RBMS3: variants seen among roughly 807,000 people sequenced by gnomAD.
RBMS3 encodes RNA binding motif single stranded interacting protein 3, also known as RNA-binding motif, single-stranded-interacting protein 3.
Under a neutral mutation model 66.8 loss-of-function variants are expected in RBMS3, and 27 were observed. That is an observed-to-expected ratio of 0.40 (90% CI 0.30 to 0.56). RBMS3 has a LOEUF of 0.56. Ranked by LOEUF, RBMS3 falls within the 20% of genes least tolerant of loss-of-function variation. The pLI is 0.40. For synonymous variants in RBMS3, 188 were observed against 183.0 expected (o/e 1.03, Z -0.22); for missense variants, 513 against 549.5 (o/e 0.93, Z 0.66).
At chr3:29,605,009 T>C (rs7637442) in intron 4 of RBMS3, among the ~76,000 whole-genome samples, 42,842 of 151,840 alleles carry the variant, frequency 0.28, 6,519 homozygotes, top group African/African-American at 0.39. Flanking sequence ...GACTTTCTTT[T>C]CTTTATTCAT....
intron 1 of RBMS3, among the ~76,000 whole-genome samples, chr3:29,331,928 G>A (rs1343993019): frequency 2.2e-5 from 3 of 138,248 alleles, no homozygotes; most frequent in African/African-American, 8.1e-5. Context: ...CACATACTAT[G>A]TCCAATTATA....
At chr3:29,400,344 C>T (rs954588192) in intron 1 of RBMS3, among the ~76,000 whole-genome samples, 1 of 151,910 alleles carries the variant, frequency 6.6e-6, no homozygotes, top group African/African-American at 2.4e-5. Flanking sequence ...CTGTACAATT[C>T]CACTTACGTG....
intron 6 of RBMS3, among the ~76,000 whole-genome samples, chr3:29,772,343 A>G (rs938709647): frequency 6.6e-6 from 1 of 152,056 alleles, no homozygotes; most frequent in Admixed American, 6.6e-5. Context: ...AAGCTAATAT[A>G]CTAGTATAGA....
intron 1 of RBMS3, among the ~76,000 whole-genome samples, chr3:29,327,476 C>T (rs1311587868): frequency 1.3e-5 from 2 of 152,268 alleles, no homozygotes; most frequent in East Asian, 1.9e-4. Context: ...GTTTTCTCTT[C>T]CTACTTCTCC....
intron 3 of RBMS3, among the ~76,000 whole-genome samples, chr3:29,550,798 A>G (rs1176857228): frequency 6.6e-6 from 1 of 152,174 alleles, no homozygotes; most frequent in African/African-American, 2.4e-5. Context: ...AGGTTACAGA[A>G]GCCAAGAGAA....
chr3:29,545,486 T>C (rs2045918987), intron 3 of RBMS3, among the ~76,000 whole-genome samples: 1 of 152,192 alleles, frequency 6.6e-6, no homozygotes, highest in African/African-American at 2.4e-5. Flanking sequence ...CATAGCCCTC[T>C]AAATAATCTT....
chr3:29,645,509 CAA>C (rs2049887122), intron 4 of RBMS3, among the ~76,000 whole-genome samples: 1 of 152,142 alleles, frequency 6.6e-6, no homozygotes, highest in Admixed American at 6.5e-5. Context: ...AACTTCTGTA[CAA>C]AGAGTGCTAT....
At chr3:29,749,469 C>T (rs2055076541) in intron 5 of RBMS3, among the ~76,000 whole-genome samples, 1 of 152,144 alleles carries the variant, frequency 6.6e-6, no homozygotes, top group African/African-American at 2.4e-5. Flanking sequence ...ATATAGGCTC[C>T]TTTAAGTTGG....
At chr3:29,361,505 C>T (rs1306484423) in intron 1 of RBMS3, among the ~76,000 whole-genome samples, 13 of 152,186 alleles carry the variant, frequency 8.5e-5, no homozygotes, top group South Asian at 2.1e-4. Flanking sequence ...TCAACTTTGG[C>T]GAATCTGACA....
At chr3:29,652,850 A>G (rs1289282250) in intron 4 of RBMS3, among the ~76,000 whole-genome samples, 2 of 152,168 alleles carry the variant, frequency 1.3e-5, no homozygotes, top group African/African-American at 4.8e-5. Context: ...TTCTGCTCCC[A>G]GAAGTGTAAG....
intron 3 of RBMS3, among the ~76,000 whole-genome samples, chr3:29,492,630 C>T (rs1050706918): frequency 1.3e-5 from 2 of 151,802 alleles, no homozygotes; most frequent in South Asian, 4.2e-4. Context: ...ATGTGAGATT[C>T]TAAATGGGAG....
rs2031728572 is a variant in RBMS3, at chr3:29,281,142, TTTC to T, written c.-537_-535del. On this transcript the variant is annotated 5_prime_UTR_variant, in exon 1 of 15. Coordinates refer to ENST00000383767, the MANE Select transcript of RBMS3 (RefSeq NM_001003793.3). Reference sequence around the variant, plus strand: ...TTTTTTTTTTTTTTTTCTTCCTTTTTTTCTTTTTTTTTTTCTTTTTCCCCTTTC... The same window carrying T: ...TTTTTTTTTTTTTTTTCTTCCTTTTTTTTTTTTTTTTCTTTTTCCCCTTTC... 1 of 125,896 alleles carries T rather than the reference TTTC, an allele frequency of 7.9e-6. No individual in the cohort carries two copies. Among genetic ancestry groups the T allele is most frequent in the Non-Finnish European group, 1.8e-5 (1 of 56,592 alleles). The allele number at this position is 125,896 out of a possible 1,614,324, so 7.8% of individuals were successfully genotyped here.
chr3:29,488,926 G>A (rs2043423888), intron 3 of RBMS3, among the ~76,000 whole-genome samples: 1 of 152,114 alleles, frequency 6.6e-6, no homozygotes, highest in African/African-American at 2.4e-5. Flanking sequence ...TTACTGATGG[G>A]CCTATTGTAT....
At chr3:29,743,177 T>C (rs1231529906) in intron 5 of RBMS3, among the ~76,000 whole-genome samples, 5 of 152,336 alleles carry the variant, frequency 3.3e-5, no homozygotes, top group South Asian at 2.1e-4. Flanking sequence ...ACATTGGCTG[T>C]GCATTTTCTC....
intron 2 of RBMS3, among the ~76,000 whole-genome samples, chr3:29,474,685 T>G (rs1181626396): frequency 6.6e-6 from 1 of 152,208 alleles, no homozygotes; most frequent in African/African-American, 2.4e-5. Flanking sequence ...GTAGGGACAG[T>G]GCTACGAAGA....
chr3:29,961,357 G>A (rs1221159368), intron 12 of RBMS3, among the ~76,000 whole-genome samples: 1 of 152,158 alleles, frequency 6.6e-6, no homozygotes, highest in East Asian at 1.9e-4. Flanking sequence ...TCTCTAGGAA[G>A]TTTCAAAGTT....
chr3:29,880,700 A>G (rs2059716125), intron 7 of RBMS3: 1 of 1,334,754 alleles, frequency 7.5e-7, no homozygotes, highest in Non-Finnish European at 1.0e-6. Context: ...CCTTTGCTTA[A>G]CCCATGCCAT....
intron 3 of RBMS3, among the ~76,000 whole-genome samples, chr3:29,504,717 G>T (rs1489853808): frequency 1.3e-5 from 2 of 151,674 alleles, no homozygotes; most frequent in African/African-American, 2.4e-5. Context: ...CCAAGAATGT[G>T]CAAGGATTCC....
At chr3:29,681,749 T>C (rs1182769192) in intron 4 of RBMS3, among the ~76,000 whole-genome samples, 1 of 152,228 alleles carries the variant, frequency 6.6e-6, no homozygotes, top group African/African-American at 2.4e-5. Context: ...TTATCCAGTC[T>C]ATCATTGATG....
Sources: gnomAD v4.1 joint callset for allele counts (sites outside exome capture counted in the v4.1 genomes callset) on GRCh38, gnomAD v4.1.1 for gene constraint, MANE v1.5 for transcripts, NCBI Gene and HGNC (gene_info 2026-07-23, HGNC 2026-07-21) for gene names.